ZDHHC9: variants seen among roughly 807,000 people sequenced by gnomAD.
ZDHHC9 encodes the protein zDHHC palmitoyltransferase 9.
ZDHHC9 carries 3 observed loss-of-function variants against 26.6 expected under a neutral mutation model. The observed-to-expected ratio is 0.11, with a 90% confidence interval of 0.05 to 0.29. The LOEUF (loss-of-function observed/expected upper bound fraction) is 0.29, where lower values mean the gene tolerates loss of function less well. Ranked by LOEUF, ZDHHC9 falls within the 10% of genes least tolerant of loss-of-function variation. The pLI is 1.00. For missense variants in ZDHHC9, 146 were observed against 296.4 expected (o/e 0.49, Z 3.73); for synonymous variants, 111 against 109.4 (o/e 1.01, Z -0.09).
intron 5 of ZDHHC9, among the ~76,000 whole-genome samples, chrX:129,817,742 CTT>C (rs57413095): frequency 1.9e-5 from 2 of 104,233 alleles, no homozygotes; most frequent in African/African-American, 6.9e-5. Context: ...CTTTTTGTGT[CTT>C]TTTTTTTTTC....
intron 3 of ZDHHC9, among the ~76,000 whole-genome samples, chrX:129,829,702 G>A (rs1324811658): frequency 9.0e-6 from 1 of 111,714 alleles, no homozygotes; most frequent in African/African-American, 3.3e-5. Context: ...CCATTCCTCT[G>A]GTCTCCTCAA....
At chrX:129,819,692 A>ATTAT (rs201812639) in intron 5 of ZDHHC9, among the ~76,000 whole-genome samples, 5,123 of 109,424 alleles carry the variant, frequency 0.047, 275 homozygotes, top group East Asian at 0.21. Context: ...CGAATGTCCT[A>ATTAT]TTATTTATTT....
intron 5 of ZDHHC9, among the ~76,000 whole-genome samples, chrX:129,821,894 C>T (rs148545654): frequency 0.061 from 6,687 of 110,234 alleles, 505 homozygotes; most frequent in African/African-American, 0.21. Flanking sequence ...TGCACTCCAG[C>T]CTGGGTGACA....
At chrX:129,816,720 G>A (rs1259742133) in intron 5 of ZDHHC9, among the ~76,000 whole-genome samples, 1 of 110,819 alleles carries the variant, frequency 9.0e-6, no homozygotes, top group Non-Finnish European at 1.9e-5. Flanking sequence ...ACTGCTTGTG[G>A]GAGCATAAAA....
intron 5 of ZDHHC9, among the ~76,000 whole-genome samples, chrX:129,816,433 G>GAA (rs372086796): frequency 9.7e-6 from 1 of 103,379 alleles, no homozygotes; most frequent in Admixed American, 1.1e-4. Flanking sequence ...GTATTTATTG[G>GAA]AAAAAAAAAA....
chrX:129,819,130 G>C (rs181726982), intron 5 of ZDHHC9, among the ~76,000 whole-genome samples: 5 of 91,491 alleles, frequency 5.5e-5, no homozygotes, highest in Non-Finnish European at 1.0e-4. Flanking sequence ...CTGAGATCGC[G>C]CCACTGCACT....
chrX:129,819,575 A>T (rs1441212804), intron 5 of ZDHHC9, among the ~76,000 whole-genome samples: 1 of 111,903 alleles, frequency 8.9e-6, no homozygotes, highest in African/African-American at 3.2e-5. Flanking sequence ...TTTATACATC[A>T]TTAGATTTTT....
At chrX:129,810,859 C>T (rs1927621874) in intron 10 of ZDHHC9, 46 bp downstream of exon 10, 1 of 1,102,747 alleles carries the variant, frequency 9.1e-7, no homozygotes, top group East Asian at 3.0e-5. Context: ...GTAAATTAGC[C>T]TCCGCCCTCT....
chrX:129,836,731 C>T (rs1928269729), intron 3 of ZDHHC9, among the ~76,000 whole-genome samples: 1 of 112,052 alleles, frequency 8.9e-6, no homozygotes, highest in Non-Finnish European at 1.9e-5. Flanking sequence ...TCACAAAGCT[C>T]CTGATAGGCT....
intron 5 of ZDHHC9, among the ~76,000 whole-genome samples, chrX:129,818,677 G>A (rs1927811985): frequency 8.9e-6 from 1 of 111,819 alleles, no homozygotes; most frequent in African/African-American, 3.2e-5. Flanking sequence ...GTAGAAAAAC[G>A]CTCAGGATAG....
intron 5 of ZDHHC9, among the ~76,000 whole-genome samples, chrX:129,821,789 G>T (rs1383547690): frequency 9.2e-6 from 1 of 109,067 alleles, no homozygotes; most frequent in Non-Finnish European, 1.9e-5. Context: ...GGGCGTGGTG[G>T]TGTGCACCTG....
At chrX:129,821,394 G>A (rs1927882810) in intron 5 of ZDHHC9, among the ~76,000 whole-genome samples, 1 of 106,492 alleles carries the variant, frequency 9.4e-6, no homozygotes, top group Non-Finnish European at 1.9e-5. Flanking sequence ...CCGGGTTCAC[G>A]CCATTCTCCT....
intron 3 of ZDHHC9, among the ~76,000 whole-genome samples, chrX:129,834,760 A>G (rs779746435): frequency 9.0e-6 from 1 of 111,346 alleles, no homozygotes; most frequent in Non-Finnish European, 1.9e-5. Context: ...GGCCTTATCT[A>G]ATCATCATCA....
chrX:129,842,175 T>G (rs961668704), intron 2 of ZDHHC9, 95 bp from the exon 3 acceptor site: 2 of 435,931 alleles, frequency 4.6e-6, no homozygotes, highest in Admixed American at 4.1e-5. Flanking sequence ...GAAAACTGAC[T>G]GAAGGGGTGG....
intron 5 of ZDHHC9, chrX:129,822,831 A>G (rs1927922163): frequency 9.0e-6 from 1 of 111,454 alleles, no homozygotes; most frequent in Non-Finnish European, 1.9e-5. Flanking sequence ...ACATTATCCA[A>G]TCATGGGAAC....
Position 129,806,026 on chromosome X carries a change from C to T in ZDHHC9, c.*344G>A, listed in dbSNP as rs1332378690. ...AGCCAGTCTCAAAAACTTTTAGCCC[C>T]AGAATGAGACCAGTGACCCCAAGCA... On this transcript the variant is annotated 3_prime_UTR_variant, in exon 11 of 11. Transcript: ENST00000357166. 13 of 249,054 alleles carry T rather than the reference C, an allele frequency of 5.2e-5. No homozygotes were observed. In the Admixed American group the frequency reaches 7.4e-4, roughly 14 times the overall value. The allele number at this position is 249,054 out of a possible 1,213,427, so 20.5% of individuals were successfully genotyped here.
intron 10 of ZDHHC9, among the ~76,000 whole-genome samples, chrX:129,807,889 C>A (rs1927557587): frequency 8.9e-6 from 1 of 111,930 alleles, no homozygotes; most frequent in East Asian, 2.8e-4. Context: ...GGTATAAGAT[C>A]CATATATAAA....
intron 4 of ZDHHC9, among the ~76,000 whole-genome samples, chrX:129,827,780 T>A (rs73565438): frequency 3.8e-5 from 4 of 104,430 alleles, no homozygotes; most frequent in African/African-American, 1.3e-4. Context: ...CCCTTTCACA[T>A]TGCATGTTCC....
At chrX:129,807,960 T>G (rs1569316934) in intron 10 of ZDHHC9, among the ~76,000 whole-genome samples, 1 of 112,575 alleles carries the variant, frequency 8.9e-6, no homozygotes, top group Non-Finnish European at 1.9e-5. Context: ...AGTAAAACAA[T>G]TTCACTTACA....
Sources: allele counts gnomAD v4.1 joint callset (sites outside exome capture counted in the v4.1 genomes callset), GRCh38; gene constraint gnomAD v4.1.1; transcripts MANE v1.5; gene names NCBI Gene and HGNC (gene_info 2026-07-23, HGNC 2026-07-21).